The following ERC2 variants were observed in gnomAD, a reference collection of about 807,000 sequenced individuals.
ERC2 encodes the protein ELKS/RAB6-interacting/CAST family member 2, also known as ERC protein 2.
A neutral mutation model predicts 114.8 loss-of-function variants in ERC2; 42 were observed. The ratio of observed to expected loss-of-function variants is 0.37; its 90% CI spans 0.29 to 0.47. The LOEUF (loss-of-function observed/expected upper bound fraction) is 0.47, where lower values mean the gene tolerates loss of function less well. Among genes scored for constraint, ERC2 ranks in the 20% least tolerant of loss-of-function variants. The pLI, the probability that ERC2 is intolerant of heterozygous loss-of-function variation, is 0.99. For missense variants in ERC2, 939 were observed against 1,150.7 expected (o/e 0.82, Z 2.66); for synonymous variants, 454 against 425.5 (o/e 1.07, Z -0.82).
chr3:56,061,077 C>T (rs1301200272), intron 7 of ERC2, among the ~76,000 whole-genome samples: 1 of 152,194 alleles, frequency 6.6e-6, no homozygotes, highest in Non-Finnish European at 1.5e-5. Flanking sequence ...CTTGTTGCTA[C>T]TGACATCTCC....
intron 14 of ERC2, among the ~76,000 whole-genome samples, chr3:55,819,693 C>T (rs1200078735): frequency 3.9e-5 from 6 of 152,200 alleles, no homozygotes; most frequent in Non-Finnish European, 8.8e-5. Flanking sequence ...GGGATAGCAT[C>T]TATTAGACAA....
At chr3:55,775,455 C>A (rs9819181) in intron 14 of ERC2, among the ~76,000 whole-genome samples, 16,808 of 151,508 alleles carry the variant, frequency 0.11, 1,964 homozygotes, top group African/African-American at 0.29. Flanking sequence ...CACTTGAGCC[C>A]AGGAGAATGA....
At chr3:56,464,627 T>C (rs2063460079) in intron 1 of ERC2, among the ~76,000 whole-genome samples, 1 of 152,254 alleles carries the variant, frequency 6.6e-6, no homozygotes, top group South Asian at 2.1e-4. Flanking sequence ...GAAGAGGTTG[T>C]AGAGTCTCCA....
At chr3:56,318,955 C>T (rs570284291) in intron 2 of ERC2, among the ~76,000 whole-genome samples, 35 of 129,272 alleles carry the variant, frequency 2.7e-4, no homozygotes, top group African/African-American at 1.1e-3. Flanking sequence ...CAGTAAGACC[C>T]TGTCTCAAAA....
intron 3 of ERC2, among the ~76,000 whole-genome samples, chr3:56,188,082 T>C (rs2083740447): frequency 6.6e-6 from 1 of 152,136 alleles, no homozygotes; most frequent in South Asian, 2.1e-4. Context: ...GGAAAGGGCC[T>C]GTCATCCATC....
intron 13 of ERC2, among the ~76,000 whole-genome samples, chr3:55,913,399 T>C (rs2064923142): frequency 6.6e-6 from 1 of 152,166 alleles, no homozygotes; most frequent in African/African-American, 2.4e-5. Context: ...TGGTGATTAC[T>C]TAAGAGAAAT....
intron 9 of ERC2, 96 bp downstream of exon 9, chr3:56,010,353 A>T: frequency 7.1e-7 from 1 of 1,406,100 alleles, no homozygotes; most frequent in South Asian, 1.4e-5. Flanking sequence ...AAGCCTTCAT[A>T]CAGTGCCTCC....
At chr3:56,001,342 C>T (rs1435425108) in intron 10 of ERC2, among the ~76,000 whole-genome samples, 1 of 151,848 alleles carries the variant, frequency 6.6e-6, no homozygotes, top group Admixed American at 6.6e-5. Context: ...ATTATTTTTA[C>T]AACTAAGAAA....
chr3:55,761,645 T>C (rs192968084), intron 14 of ERC2, among the ~76,000 whole-genome samples: 2 of 152,236 alleles, frequency 1.3e-5, no homozygotes, highest in African/African-American at 4.8e-5. Flanking sequence ...ATCTCATCTA[T>C]ATAATTGTAA....
chr3:56,334,874 G>A (rs964871847), intron 2 of ERC2, among the ~76,000 whole-genome samples: 7 of 152,120 alleles, frequency 4.6e-5, no homozygotes, highest in Non-Finnish European at 8.8e-5. Flanking sequence ...GCGCAATCTC[G>A]GCTCACTGCA....
intron 17 of ERC2, among the ~76,000 whole-genome samples, chr3:55,638,972 A>G (rs924930110): frequency 6.6e-6 from 1 of 152,206 alleles, no homozygotes; most frequent in East Asian, 1.9e-4. Context: ...GGTACCTGGT[A>G]AAAGCACTAC....
intron 7 of ERC2, among the ~76,000 whole-genome samples, chr3:56,036,125 T>G (rs897643213): frequency 6.6e-6 from 1 of 152,166 alleles, no homozygotes; most frequent in Admixed American, 6.5e-5. Context: ...ATCATCCCAA[T>G]AGATGCAGAA....
chr3:56,140,017 G>A (rs546035102), intron 5 of ERC2, among the ~76,000 whole-genome samples: 1 of 152,276 alleles, frequency 6.6e-6, no homozygotes, highest in African/African-American at 2.4e-5. Flanking sequence ...TGGTCCTGAG[G>A]AGAGTCAATA....
intron 3 of ERC2, among the ~76,000 whole-genome samples, chr3:56,252,871 A>C (rs933187100): frequency 1.3e-5 from 2 of 152,134 alleles, no homozygotes; most frequent in African/African-American, 4.8e-5. Flanking sequence ...ATTACAAACT[A>C]TCCTGAAAAC....
chr3:56,093,463 C>T (rs891681101), intron 6 of ERC2, among the ~76,000 whole-genome samples: 8 of 152,052 alleles, frequency 5.3e-5, no homozygotes, highest in African/African-American at 1.9e-4. Flanking sequence ...ACCAGGGGTT[C>T]ATCAGCACTA....
At chr3:55,952,034 C>T (rs939053383) in intron 12 of ERC2, among the ~76,000 whole-genome samples, 1 of 150,896 alleles carries the variant, frequency 6.6e-6, no homozygotes, top group African/African-American at 2.4e-5. Flanking sequence ...GGTGCAGCGG[C>T]TCATGCCTGT....
chr3:56,146,601 AAGCTAGATTTTTG>A (rs2081149712), intron 5 of ERC2, among the ~76,000 whole-genome samples: 1 of 152,210 alleles, frequency 6.6e-6, no homozygotes, highest in Non-Finnish European at 1.5e-5. Context: ...TTATCATTAT[AAGCTAGATTTTTG>A]AGCCAGGTAC....
At chr3:56,068,811 T>C (rs949086799) in intron 7 of ERC2, among the ~76,000 whole-genome samples, 4 of 152,232 alleles carry the variant, frequency 2.6e-5, no homozygotes, top group African/African-American at 9.6e-5. Context: ...CCAGGAATCA[T>C]TCAGGAGCAG....
chr3:56,022,055 T>C (rs988614009), intron 7 of ERC2, among the ~76,000 whole-genome samples: 7 of 152,180 alleles, frequency 4.6e-5, no homozygotes, highest in Admixed American at 2.0e-4. Context: ...GTCTTTATGG[T>C]AGAATGCTTT....
Sources: allele counts gnomAD v4.1 joint callset (sites outside exome capture counted in the v4.1 genomes callset), GRCh38; gene constraint gnomAD v4.1.1; transcripts MANE v1.5; gene names NCBI Gene and HGNC (gene_info 2026-07-23, HGNC 2026-07-21).